The following TSPAN7 variants were observed in gnomAD, a reference collection of about 807,000 sequenced individuals.
The protein encoded by TSPAN7 is tetraspanin-7.
A neutral mutation model predicts 17.6 loss-of-function variants in TSPAN7; 1 was observed. The observed-to-expected ratio is 0.06, with a 90% CI of 0.02 to 0.27. The LOEUF (loss-of-function observed/expected upper bound fraction) is 0.27, where lower values mean the gene tolerates loss of function less well. TSPAN7 is among the 10% of genes least tolerant of loss of function. The probability of loss-of-function intolerance (pLI) is 1.00; values close to 1 mark genes in which losing one functional copy is unlikely to be tolerated. For synonymous variants in TSPAN7, 78 were observed against 79.0 expected, an observed-to-expected ratio of 0.99 and a Z score of 0.07; for missense variants, 112 against 201.7, an observed-to-expected ratio of 0.56 and a Z score of 2.69.
At chrX:38,597,860 T>C (rs980040947) in intron 1 of TSPAN7, among the ~76,000 whole-genome samples, 22 of 111,720 alleles carry the variant, frequency 2.0e-4, no homozygotes, top group African/African-American at 6.5e-4. Context: ...ATTCTGTGAG[T>C]ATAATTTCAA....
chrX:38,680,539 TTCTCTCTCTCTC>T (rs61619425), intron 5 of TSPAN7, among the ~76,000 whole-genome samples: 76 of 75,604 alleles, frequency 1.0e-3, no homozygotes, highest in Admixed American at 4.0e-3. Flanking sequence ...TACTTACAAA[TTCTCTCTCTCTC>T]TCTCTCTCTC....
chrX:38,661,989 A>G (rs2069748836), intron 1 of TSPAN7, among the ~76,000 whole-genome samples: 1 of 111,635 alleles, frequency 9.0e-6, no homozygotes, highest in Non-Finnish European at 1.9e-5. Context: ...TCTTGGGCTT[A>G]TCTTTGTATG....
At chrX:38,683,314 A>C (rs187820367) in intron 6 of TSPAN7, among the ~76,000 whole-genome samples, 1 of 112,822 alleles carries the variant, frequency 8.9e-6, no homozygotes, top group Non-Finnish European at 1.9e-5. Flanking sequence ...GAAGAAATGT[A>C]TGATTAGACA....
At chrX:38,605,758 A>G (rs1282421829) in intron 1 of TSPAN7, among the ~76,000 whole-genome samples, 7 of 110,435 alleles carry the variant, frequency 6.3e-5, no homozygotes, top group African/African-American at 2.0e-4. Context: ...ATAACGCCGC[A>G]TATCTACAAC....
chrX:38,589,182 A>T (rs911180477), intron 1 of TSPAN7, among the ~76,000 whole-genome samples: 1 of 112,167 alleles, frequency 8.9e-6, no homozygotes, highest in Middle Eastern at 4.6e-3. Context: ...GAGCTTAAAG[A>T]GCAGTGCAAA....
intron 6 of TSPAN7, among the ~76,000 whole-genome samples, chrX:38,684,700 C>A (rs925079734): frequency 5.4e-5 from 6 of 111,261 alleles, no homozygotes; most frequent in African/African-American, 1.6e-4. Flanking sequence ...AGACCCAGGG[C>A]TTTGCTAGAC....
intron 1 of TSPAN7, among the ~76,000 whole-genome samples, chrX:38,615,914 G>A (rs759850304): frequency 1.8e-5 from 2 of 111,737 alleles, no homozygotes; most frequent in East Asian, 5.7e-4. Context: ...CTCGCACAAG[G>A]GAGAATGACT....
At chrX:38,657,424 G>A (rs1462760124) in intron 1 of TSPAN7, among the ~76,000 whole-genome samples, 1 of 111,196 alleles carries the variant, frequency 9.0e-6, no homozygotes, top group African/African-American at 3.3e-5. Context: ...CCACTTCATG[G>A]GCCCACAGGA....
intron 1 of TSPAN7, among the ~76,000 whole-genome samples, chrX:38,585,854 A>G (rs927878261): frequency 3.6e-5 from 4 of 112,310 alleles, no homozygotes; most frequent in Non-Finnish European, 7.5e-5. Flanking sequence ...TTGCTATGTG[A>G]CATGGGGGCT....
intron 1 of TSPAN7, among the ~76,000 whole-genome samples, chrX:38,600,195 A>C (rs1202787271): frequency 9.0e-6 from 1 of 111,459 alleles, no homozygotes; most frequent in African/African-American, 3.3e-5. Context: ...TCATTTTAAA[A>C]ACCATATCAT....
At chrX:38,642,501 G>A (rs180707507) in intron 1 of TSPAN7, among the ~76,000 whole-genome samples, 3 of 112,049 alleles carry the variant, frequency 2.7e-5, no homozygotes, top group African/African-American at 9.7e-5. Flanking sequence ...GGAATAAATG[G>A]CTATAAACAG....
chrX:38,623,906 C>G (rs1370586358), intron 1 of TSPAN7, among the ~76,000 whole-genome samples: 2 of 61,280 alleles, frequency 3.3e-5, no homozygotes, highest in African/African-American at 1.3e-4. Flanking sequence ...CCCCACCCCC[C>G]ACCCCTCAGT....
Position 38,651,050 on chromosome X carries a change from C to CATATATATATATATATATAT in TSPAN7, c.82-15067_82-15048dup, listed in dbSNP as rs34201318. Reference sequence around the variant, plus strand: ...TATTTCATTATCAGAAATGTGATTACATATATATATATATATATATATAGT... The same window carrying CATATATATATATATATATAT: ...TATTTCATTATCAGAAATGTGATTACATATATATATATATATATATATATATATATATATATATATATAGT... On this transcript the variant is annotated intron_variant, in intron 1 of 7. Coordinates refer to ENST00000378482, the MANE Select transcript of TSPAN7 (RefSeq NM_004615.4). Among the ~76,000 whole-genome samples the CATATATATATATATATATAT allele has an allele frequency of 1.3e-3, 127 of 98,085 alleles. 2 individuals are homozygous for CATATATATATATATATATAT. The highest frequency in any genetic ancestry group is 4.6e-3 in the African/African-American group (122 of 26,340). 85.2% of individuals were successfully genotyped at this position (98,085 alleles called of 115,157 possible).
At chrX:38,623,546 C>T (rs749585231) in intron 1 of TSPAN7, among the ~76,000 whole-genome samples, 2 of 109,225 alleles carry the variant, frequency 1.8e-5, no homozygotes, top group African/African-American at 6.7e-5. Context: ...GTGGCTCTTT[C>T]CTCTATACTC....
chrX:38,643,334 G>A, intron 1 of TSPAN7, among the ~76,000 whole-genome samples: 1 of 110,244 alleles, frequency 9.1e-6, no homozygotes, highest in Non-Finnish European at 1.9e-5. Flanking sequence ...GCCACAAGGG[G>A]GGGAATGTGT....
At chrX:38,677,773 T>C (rs1236297943) in intron 5 of TSPAN7, among the ~76,000 whole-genome samples, 1 of 112,686 alleles carries the variant, frequency 8.9e-6, no homozygotes, top group South Asian at 3.6e-4. Flanking sequence ...CCTGAACTTA[T>C]GAGACAAATT....
At chrX:38,660,076 C>T (rs2069735181) in intron 1 of TSPAN7, among the ~76,000 whole-genome samples, 1 of 110,078 alleles carries the variant, frequency 9.1e-6, no homozygotes, top group South Asian at 3.9e-4. Flanking sequence ...ATCCGCCCAC[C>T]TCTGCCTCTG....
At chrX:38,573,731 GT>G (rs2069180687) in intron 1 of TSPAN7, among the ~76,000 whole-genome samples, 1 of 111,229 alleles carries the variant, frequency 9.0e-6, no homozygotes, top group Admixed American at 9.6e-5. Context: ...GACTTTTCTT[GT>G]TTTTGACTGT....
At chrX:38,643,063 G>A (rs1295837174) in intron 1 of TSPAN7, among the ~76,000 whole-genome samples, 5 of 110,771 alleles carry the variant, frequency 4.5e-5, no homozygotes, top group Non-Finnish European at 9.4e-5. Context: ...TTTCTTAAAT[G>A]TCCAGGCAGA....
Sources: gnomAD v4.1 joint callset for allele counts (sites outside exome capture counted in the v4.1 genomes callset) on GRCh38, gnomAD v4.1.1 for gene constraint, MANE v1.5 for transcripts, NCBI Gene and HGNC (gene_info 2026-07-23, HGNC 2026-07-21) for gene names.